The following PDIA6 variants were observed in gnomAD, a reference collection of about 807,000 sequenced individuals.
PDIA6 encodes protein disulfide-isomerase A6.
Under a neutral mutation model 58.4 loss-of-function variants are expected in PDIA6, and 29 were observed. The ratio of observed to expected loss-of-function variants is 0.50; its 90% confidence interval spans 0.37 to 0.68. The LOEUF (loss-of-function observed/expected upper bound fraction) is 0.68. Ranked by LOEUF, PDIA6 falls within the 30% of genes least tolerant of loss-of-function variation. The pLI, the probability that PDIA6 is intolerant of heterozygous loss-of-function variation, is 0.00. For missense variants in PDIA6, 480 were observed against 551.0 expected (o/e 0.87, Z 1.29); for synonymous variants, 192 against 202.6 (o/e 0.95, Z 0.44).
intron 4 of PDIA6, among the ~76,000 whole-genome samples, chr2:10,795,792 G>A (rs1666242151): frequency 6.6e-6 from 1 of 152,096 alleles, no homozygotes; most frequent in South Asian, 2.1e-4. Context: ...CTGGACTCAG[G>A]CAAGTCACCG....
intron 5 of PDIA6, among the ~76,000 whole-genome samples, chr2:10,792,693 C>A (rs866578756): frequency 6.6e-6 from 1 of 152,054 alleles, no homozygotes; most frequent in Middle Eastern, 3.4e-3. Context: ...TAGAATTTTC[C>A]ATGGATTTGG....
At chr2:10,837,643 T>C (rs771192051) in exon 1 of PDIA6, 2 of 1,381,144 alleles carry the variant, frequency 1.4e-6, no homozygotes, top group Non-Finnish European at 2.0e-6. Context: ...AATTGCAGCT[T>C]GTTCAGGGGC....
chr2:10,814,797 C>G (rs1667142953), upstream of PDIA6, among the ~76,000 whole-genome samples: 1 of 152,184 alleles, frequency 6.6e-6, no homozygotes, highest in African/African-American at 2.4e-5. Context: ...TTTGTTTTCT[C>G]AGGGTTGTGA....
At chr2:10,833,728 T>G (rs1667762379), upstream of PDIA6, among the ~76,000 whole-genome samples, 1 of 152,192 alleles carries the variant, frequency 6.6e-6, no homozygotes, top group South Asian at 2.1e-4. Flanking sequence ...ATGTACTTGC[T>G]GTATAGTGGG....
rs147512716 is a variant in PDIA6, at chr2:10,793,146, C to T, written c.403G>A (p.Val135Met). 48 of 1,614,068 alleles carry T rather than the reference C, an allele frequency of 3.0e-5. No individual in the cohort carries two copies. Among genetic ancestry groups the T allele is most frequent in the Non-Finnish European group, 3.4e-5 (40 of 1,179,994 alleles). The change falls in exon 5 of 13, where the codon GTG becomes ATG. Residue 135 changes from valine (V) to methionine (M), a missense_variant. Physicochemically the swap from Val to Met is conservative, Grantham distance 21. Coordinates refer to ENST00000272227, the MANE Select transcript of PDIA6 (RefSeq NM_005742.4). Reference sequence around the variant, plus strand: ...CTCCGTCCCCCGAGGCGATCCTTCACGAGCTGGCGCAGAGCACTCAGCGCA... The same window carrying T: ...CTCCGTCCCCCGAGGCGATCCTTCATGAGCTGGCGCAGAGCACTCAGCGCA... The part of the protein sequence containing the change: ...DAALSALRQL[V>M]KDRLGGRSGG...
chr2:10,786,267 G>A (rs1239809219), intron 11 of PDIA6, among the ~76,000 whole-genome samples: 1 of 152,012 alleles, frequency 6.6e-6, no homozygotes, highest in East Asian at 1.9e-4. Flanking sequence ...AGGTTGCAGT[G>A]AGCCGAGATC....
At chr2:10,835,976 G>A (rs1460781107), upstream of PDIA6, among the ~76,000 whole-genome samples, 1 of 152,050 alleles carries the variant, frequency 6.6e-6, no homozygotes, top group South Asian at 2.1e-4. Context: ...ACTTGAACCC[G>A]GGAAGCAGAG....
chr2:10,801,137 GGC>G lies in PDIA6; in HGVS notation c.161+1360_161+1361del, dbSNP rs1183714030. Among the ~76,000 whole-genome samples, 555 of 152,196 alleles carry G rather than the reference GGC, an allele frequency of 3.6e-3. 5 individuals carry two copies. Among genetic ancestry groups the G allele is most frequent in the African/African-American group, 0.013 (537 of 41,524 alleles). The stretch of plus-strand genomic sequence containing the variant: ...CTATAAAAAATACAAAAATTAGCAG[GGC>G]GTGGTGGTACATGCCTGTAGTACCA... On this transcript the variant is annotated intron_variant, in intron 2 of 12. Transcript: ENST00000272227.
chr2:10,801,592 A>C (rs1202472261), intron 2 of PDIA6, among the ~76,000 whole-genome samples: 1 of 152,224 alleles, frequency 6.6e-6, no homozygotes, highest in Non-Finnish European at 1.5e-5. Flanking sequence ...TATATACCAG[A>C]GCCTTTAAAA....
intron 2 of PDIA6, chr2:10,819,199 A>G (rs1572700172): frequency 1.2e-6 from 1 of 820,974 alleles, no homozygotes; most frequent in Non-Finnish European, 2.0e-6. Context: ...CTGTTAGTGG[A>G]CACTTGGGTT....
At chr2:10,802,208 A>T (rs1666539338) in intron 2 of PDIA6, among the ~76,000 whole-genome samples, 1 of 152,224 alleles carries the variant, frequency 6.6e-6, no homozygotes, top group Admixed American at 6.5e-5. Context: ...TTCAGGAAAT[A>T]ATTCTCTTCA....
chr2:10,815,402 C>T (rs1667160737), upstream of PDIA6: 1 of 150,440 alleles, frequency 6.6e-6, no homozygotes, highest in Non-Finnish European at 1.5e-5. Context: ...ACAGTGGAGC[C>T]CAGAGGAATA....
At chr2:10,809,644 T>TAA (rs1558454482) in intron 1 of PDIA6, among the ~76,000 whole-genome samples, 1 of 2,942 alleles carries the variant, frequency 3.4e-4, no homozygotes, top group Non-Finnish European at 1.1e-3. Context: ...AGACCCGGTC[T>TAA]CAAAAAAAAA....
intron 9 of PDIA6, 61 bp downstream of exon 9, chr2:10,788,836 A>G (rs1734431): frequency 0.55 from 851,873 of 1,553,972 alleles, 238,772 homozygotes; most frequent in Middle Eastern, 0.59. Context: ...ATCCATTTAG[A>G]AAGTATTCTC....
chr2:10,789,980 ATT>A (rs199881762), intron 7 of PDIA6, 91 bp from the exon 8 acceptor site: 19,453 of 816,232 alleles, frequency 0.024, 9 homozygotes, highest in East Asian at 0.026. Context: ...CTTATAGGTA[ATT>A]TTTTTTTTTT....
chr2:10,807,244 T>C (rs1666803486), intron 1 of PDIA6, among the ~76,000 whole-genome samples: 1 of 152,252 alleles, frequency 6.6e-6, no homozygotes, highest in South Asian at 2.1e-4. Context: ...GGTCTTGATC[T>C]GTCACCCAGA....
chr2:10,817,706 G>A (rs1667241262), upstream of PDIA6, among the ~76,000 whole-genome samples: 1 of 152,182 alleles, frequency 6.6e-6, no homozygotes, highest in Non-Finnish European at 1.5e-5. Context: ...CTTCTACCAT[G>A]CAGACCCCCA....
In PDIA6 at chr2:10,806,025, TAAAAA is replaced by T. The variant is rs80344702; in HGVS notation, c.20-3390_20-3386del. ...TGTACCCTAAAACTTAAAGTATAAT[TAAAAA>T]AAAAAAAAAAAAAACGAAAAAAACC... On this transcript the variant is annotated intron_variant, in intron 1 of 12. Coordinates refer to ENST00000272227, the MANE Select transcript of PDIA6 (RefSeq NM_005742.4). Among the ~76,000 whole-genome samples the T allele has an allele frequency of 6.2e-4, 44 of 71,180 alleles. No individual in the cohort carries two copies. The South Asian group carries it at 7.4e-3, about 12-fold the overall frequency. The allele number at this position is 71,180 out of a possible 152,430, so 46.7% of individuals were successfully genotyped here. A position where few individuals can be genotyped will look rare whatever the true frequency, so the allele number is the denominator to read the frequency against.
At chr2:10,799,598 T>G (rs1261229692) in intron 2 of PDIA6, among the ~76,000 whole-genome samples, 1 of 152,214 alleles carries the variant, frequency 6.6e-6, no homozygotes, top group Non-Finnish European at 1.5e-5. Flanking sequence ...TTAGGGTCTA[T>G]CGGGGGAATG....
Sources: allele counts gnomAD v4.1 joint callset (sites outside exome capture counted in the v4.1 genomes callset), GRCh38; gene constraint gnomAD v4.1.1; transcripts MANE v1.5; gene names NCBI Gene and HGNC (gene_info 2026-07-23, HGNC 2026-07-21).